Variants in VSTM4 observed in about 807,000 individuals in gnomAD.
VSTM4 encodes the protein V-set and transmembrane domain-containing protein 4.
Under a neutral mutation model 36.4 loss-of-function variants are expected in VSTM4, and 20 were observed. That is an observed-to-expected ratio of 0.55 (90% CI 0.39 to 0.80). VSTM4 has a LOEUF of 0.80. Ranked by LOEUF, VSTM4 falls within the 30% of genes least tolerant of loss-of-function variation. VSTM4 has a pLI of 0.00. For synonymous variants in VSTM4, 182 were observed against 173.9 expected (o/e 1.05, Z -0.37); for missense variants, 392 against 404.5 (o/e 0.97, Z 0.26).
chr10:49,111,287 A>G (rs980926068), intron 1 of VSTM4, among the ~76,000 whole-genome samples: 11 of 152,310 alleles, frequency 7.2e-5, no homozygotes, highest in Middle Eastern at 3.4e-3. Flanking sequence ...CCCCGCAGTC[A>G]TCAGGACCAT....
chr10:49,082,497 T>C (rs114287811), intron 3 of VSTM4, among the ~76,000 whole-genome samples: 2,392 of 152,174 alleles, frequency 0.016, 67 homozygotes, highest in African/African-American at 0.055. Context: ...AACAAATTAG[T>C]ACAAATTTTT....
At chr10:49,025,663 C>T (rs1027549848) in intron 7 of VSTM4, among the ~76,000 whole-genome samples, 1 of 152,240 alleles carries the variant, frequency 6.6e-6, no homozygotes, top group Non-Finnish European at 1.5e-5. Flanking sequence ...CACCTGGCTC[C>T]AGCAGGGGAG....
chr10:49,031,565 T>C (rs937352395), intron 7 of VSTM4, among the ~76,000 whole-genome samples: 5 of 152,218 alleles, frequency 3.3e-5, no homozygotes, highest in Non-Finnish European at 7.3e-5. Context: ...GGAAAGTATA[T>C]GTGCTAAACG....
intron 4 of VSTM4, among the ~76,000 whole-genome samples, chr10:49,076,752 A>G (rs1455527226): frequency 6.6e-6 from 1 of 152,310 alleles, no homozygotes; most frequent in East Asian, 1.9e-4. Context: ...GAACTCTCAG[A>G]CTGGTCAGGG....
At chr10:49,064,980 TC>T (rs1050190209) in intron 4 of VSTM4, among the ~76,000 whole-genome samples, 7 of 152,152 alleles carry the variant, frequency 4.6e-5, no homozygotes, top group Non-Finnish European at 7.4e-5. Context: ...ACCCCAGACT[TC>T]CTGGGTATTC....
At chr10:49,112,469 A>G (rs1372202943) in intron 1 of VSTM4, among the ~76,000 whole-genome samples, 1 of 152,238 alleles carries the variant, frequency 6.6e-6, no homozygotes, top group Non-Finnish European at 1.5e-5. Flanking sequence ...CTGGAGTTTC[A>G]GTTTCCTCAT....
intron 6 of VSTM4, 75 bp from the exon 7 acceptor site, chr10:49,047,119 G>T (rs1237603094): frequency 6.9e-7 from 1 of 1,445,398 alleles, no homozygotes; most frequent in Non-Finnish European, 9.7e-7. Flanking sequence ...TGAGCATCAG[G>T]GACATATTCT....
At chr10:49,113,658 C>T (rs1481105651) in intron 1 of VSTM4, among the ~76,000 whole-genome samples, 2 of 152,160 alleles carry the variant, frequency 1.3e-5, no homozygotes, top group East Asian at 1.9e-4. Context: ...AGTTTTCTTT[C>T]CTGTAAAATG....
Position 49,019,205 on chromosome 10 carries a change from A to G in VSTM4, c.*445T>C, listed in dbSNP as rs1843143887. 6.6e-6 allele frequency: 1 copy of G among 152,402 alleles called. No individual in the cohort carries two copies. The highest frequency in any genetic ancestry group is 2.4e-5 in the African/African-American group (1 of 41,436). The allele number at this position is 152,402 out of a possible 1,614,324, so 9.4% of individuals were successfully genotyped here. A position where few individuals can be genotyped will look rare whatever the true frequency, so the allele number is the denominator to read the frequency against. On this transcript the variant is annotated 3_prime_UTR_variant, in exon 8 of 8. Transcript: ENST00000332853. ...GCCATCTGATCCTTGGAAAACCAAC[A>G]TATGTGCCATCTTACAGTTGGGTCC...
intron 5 of VSTM4, among the ~76,000 whole-genome samples, chr10:49,056,630 G>C (rs1843784353): frequency 6.6e-6 from 1 of 152,208 alleles, no homozygotes; most frequent in Non-Finnish European, 1.5e-5. Flanking sequence ...TCACCACCTA[G>C]ACACAGCACT....
At position 49,018,208 on chromosome 10, in the gene VSTM4, T is replaced by C. The variant is rs1366025759; in HGVS notation, c.*1442A>G. ...TTATTGCAATGAAAGCCTTAAATAGTGAAGAAATTTTCATTTTGAAAATGC... is the reference window on the plus strand; with the variant it reads ...TTATTGCAATGAAAGCCTTAAATAGCGAAGAAATTTTCATTTTGAAAATGC... On this transcript the variant is annotated 3_prime_UTR_variant, in exon 8 of 8. Coordinates refer to ENST00000332853, the MANE Select transcript of VSTM4 (RefSeq NM_001031746.5). 1 of 152,220 alleles carries C rather than the reference T, an allele frequency of 6.6e-6. No homozygotes were observed. The highest frequency in any genetic ancestry group is 1.5e-5 in the Non-Finnish European group (1 of 68,032). The allele number at this position is 152,220 out of a possible 1,614,324, so 9.4% of individuals were successfully genotyped here. A position where few individuals can be genotyped will look rare whatever the true frequency, so the allele number is the denominator to read the frequency against.
At chr10:49,090,596 C>T (rs1403592778) in intron 2 of VSTM4, among the ~76,000 whole-genome samples, 3 of 152,136 alleles carry the variant, frequency 2.0e-5, no homozygotes, top group Non-Finnish European at 4.4e-5. Context: ...TGATGCTGCC[C>T]CTCTCTGCCC....
chr10:49,034,050 C>T (rs1413713209), intron 7 of VSTM4, among the ~76,000 whole-genome samples: 1 of 151,756 alleles, frequency 6.6e-6, no homozygotes, highest in African/African-American at 2.4e-5. Flanking sequence ...TCACTATCAT[C>T]ATCAATATTA....
chr10:49,102,623 A>G, intron 2 of VSTM4: 1 of 985,302 alleles, frequency 1.0e-6, no homozygotes, highest in South Asian at 4.7e-5. Context: ...CTGGATGTGG[A>G]GCCCCAAAAA....
At position 49,055,232 on chromosome 10, in the gene VSTM4, C is replaced by A. The variant is rs4442461; in HGVS notation, c.669-6648G>T. On this transcript the variant is annotated intron_variant, in intron 5 of 7. Coordinates refer to ENST00000332853, the MANE Select transcript of VSTM4 (RefSeq NM_001031746.5). ...CCCCCTGAGCTCTTCTTGCTCCACA[C>A]ATCTTTGAAAGGTGTCGCTTCAGCT... 4.3e-3 allele frequency among the ~76,000 whole-genome samples: 661 copies of A among 152,348 alleles called. 7 individuals carry two copies. Among genetic ancestry groups the A allele is most frequent in the African/African-American group, 0.015 (616 of 41,572 alleles).
At chr10:49,022,745 AC>A in intron 7 of VSTM4, among the ~76,000 whole-genome samples, 1 of 152,328 alleles carries the variant, frequency 6.6e-6, no homozygotes, top group Admixed American at 6.5e-5. Flanking sequence ...AAATAAGCAC[AC>A]AAAACCCAAC....
chr10:49,019,037 A>T lies in VSTM4; in HGVS notation c.*613T>A, dbSNP rs1409564066. 6.6e-6 allele frequency: 1 copy of T among 152,344 alleles called. No individual in the cohort carries two copies. Among genetic ancestry groups the T allele is most frequent in the Admixed American group, 6.5e-5 (1 of 15,286 alleles). 9.4% of individuals were successfully genotyped at this position (152,344 alleles called of 1,614,324 possible). A position where few individuals can be genotyped will look rare whatever the true frequency, so the allele number is the denominator to read the frequency against. ...CCTCAGGGTCTCATAGGTGGGCACC[A>T]TGGCATTCAGAGACAGACCTTATAC... On this transcript the variant is annotated 3_prime_UTR_variant, in exon 8 of 8. Coordinates refer to ENST00000332853, the MANE Select transcript of VSTM4 (RefSeq NM_001031746.5).
chr10:49,028,785 T>G (rs1482272751), intron 7 of VSTM4, among the ~76,000 whole-genome samples: 1 of 152,248 alleles, frequency 6.6e-6, no homozygotes, highest in African/African-American at 2.4e-5. Flanking sequence ...GCAAGTTCTC[T>G]CAACATCAAA....
At chr10:49,065,723 T>C (rs1843961356) in intron 4 of VSTM4, among the ~76,000 whole-genome samples, 1 of 152,128 alleles carries the variant, frequency 6.6e-6, no homozygotes, top group Admixed American at 6.6e-5. Context: ...GCAGAAGAAA[T>C]GGTCAGCTAA....
Sources: gnomAD v4.1 joint callset for allele counts (sites outside exome capture counted in the v4.1 genomes callset) on GRCh38, gnomAD v4.1.1 for gene constraint, MANE v1.5 for transcripts, NCBI Gene and HGNC (gene_info 2026-07-23, HGNC 2026-07-21) for gene names.